VWC2L: variants seen among roughly 807,000 people sequenced by gnomAD.
VWC2L encodes the protein von Willebrand factor C domain-containing protein 2-like.
A neutral mutation model predicts 21.6 loss-of-function variants in VWC2L; 10 were observed. The ratio of observed to expected loss-of-function variants is 0.46; its 90% CI spans 0.29 to 0.78. The LOEUF (loss-of-function observed/expected upper bound fraction) is 0.78, where lower values mean the gene tolerates loss of function less well. Among genes scored for constraint, VWC2L ranks in the 30% least tolerant of loss-of-function variants. The pLI is 0.10. For missense variants in VWC2L, 209 were observed against 277.1 expected, an observed-to-expected ratio of 0.75 and a Z score of 1.74; for synonymous variants, 96 against 94.3, an observed-to-expected ratio of 1.02 and a Z score of -0.10.
At chr2:214,441,096 T>C (rs1018424543) in intron 3 of VWC2L, among the ~76,000 whole-genome samples, 3 of 152,182 alleles carry the variant, frequency 2.0e-5, no homozygotes, top group Non-Finnish European at 2.9e-5. Flanking sequence ...CCTCACTCTC[T>C]TCTAGTTTAG....
chr2:214,437,778 A>T (rs549862352), intron 3 of VWC2L, among the ~76,000 whole-genome samples: 1 of 152,288 alleles, frequency 6.6e-6, no homozygotes, highest in South Asian at 2.1e-4. Context: ...CTTTTATAAA[A>T]GATAAAAAAA....
intron 3 of VWC2L, among the ~76,000 whole-genome samples, chr2:214,488,068 G>C (rs1300307285): frequency 6.6e-6 from 1 of 152,022 alleles, no homozygotes; most frequent in Non-Finnish European, 1.5e-5. Context: ...TACTCATCTT[G>C]GTCTTGGATT....
chr2:214,548,775 T>C (rs1238425317), intron 3 of VWC2L, among the ~76,000 whole-genome samples: 1 of 152,188 alleles, frequency 6.6e-6, no homozygotes, highest in Admixed American at 6.5e-5. Flanking sequence ...GCATTTGTAG[T>C]CAATACACAG....
At chr2:214,509,528 C>T (rs1436753981) in intron 3 of VWC2L, among the ~76,000 whole-genome samples, 2 of 151,982 alleles carry the variant, frequency 1.3e-5, no homozygotes, top group Admixed American at 6.6e-5. Flanking sequence ...CCTTGACTCC[C>T]GGATATCGTA....
intron 3 of VWC2L, among the ~76,000 whole-genome samples, chr2:214,511,826 C>CTATA (rs986979065): frequency 6.6e-5 from 8 of 121,782 alleles, no homozygotes; most frequent in African/African-American, 1.3e-4. Context: ...ACACAACACA[C>CTATA]TATATATATA....
In VWC2L at chr2:214,477,301, C is replaced by CT. The variant is rs553407765; in HGVS notation, c.520+40545dup. Among the ~76,000 whole-genome samples, 59 of 152,350 alleles carry CT rather than the reference C, an allele frequency of 3.9e-4. No individual in the cohort carries two copies. In the East Asian group the frequency reaches 0.011, roughly 27 times the overall value. ...ATGGAAGGAGCCAGGATGTTCCCTCCTTCAACCCATCATTTCTCTGGGAGC... is the reference window on the plus strand; with the variant it reads ...ATGGAAGGAGCCAGGATGTTCCCTCCTTTCAACCCATCATTTCTCTGGGAGC... On this transcript the variant is annotated intron_variant, in intron 3 of 3. Coordinates refer to ENST00000312504, the MANE Select transcript of VWC2L (RefSeq NM_001080500.4).
intron 3 of VWC2L, among the ~76,000 whole-genome samples, chr2:214,527,387 T>C (rs1171150514): frequency 6.6e-6 from 1 of 151,954 alleles, no homozygotes; most frequent in Non-Finnish European, 1.5e-5. Flanking sequence ...TACCCCCAAA[T>C]CTAAAAAGTT....
rs530258859 is a variant in VWC2L at position 214,540,640 on chromosome 2, T to C, written c.521-35032T>C. Among the ~76,000 whole-genome samples, 173 of 152,318 alleles carry C rather than the reference T, an allele frequency of 1.1e-3. 3 individuals are homozygous for C. In the South Asian group the frequency reaches 0.035, roughly 31 times the overall value. ...ATGCTAATGAACAGTGCATTCTTAC[T>C]AAGATTTACATGAGAAGAATGCAGA... On this transcript the variant is annotated intron_variant, in intron 3 of 3. Coordinates refer to ENST00000312504, the MANE Select transcript of VWC2L (RefSeq NM_001080500.4).
At chr2:214,502,930 G>C (rs1451916560) in intron 3 of VWC2L, among the ~76,000 whole-genome samples, 7 of 152,122 alleles carry the variant, frequency 4.6e-5, no homozygotes, top group Admixed American at 4.6e-4. Context: ...CATTTCATCA[G>C]CTTCTATTTG....
rs1210573676 is a variant in VWC2L at position 214,577,047 on chromosome 2, G to A, written c.*1227G>A. 2.0e-5 allele frequency: 3 copies of A among 152,132 alleles called. No individual in the cohort carries two copies. The highest frequency in any genetic ancestry group is 7.2e-5 in the African/African-American group (3 of 41,446). 9.4% of individuals were successfully genotyped at this position (152,132 alleles called of 1,614,324 possible). ...TTGCCCTGGTAATGCTGCTAGTATA[G>A]TAACAGAAAAAACAAAACACACAGG... is the stretch of plus-strand genomic sequence containing the variant. On this transcript the variant is annotated 3_prime_UTR_variant, in exon 4 of 4. Coordinates refer to ENST00000312504, the MANE Select transcript of VWC2L (RefSeq NM_001080500.4).
intron 3 of VWC2L, among the ~76,000 whole-genome samples, chr2:214,497,221 C>A (rs559177710): frequency 0.014 from 1,915 of 139,940 alleles, 14 homozygotes; most frequent in Non-Finnish European, 0.02. Flanking sequence ...GGAAAAAAAA[C>A]CATTCATTTT....
chr2:214,527,326 A>T (rs1259471166), intron 3 of VWC2L, among the ~76,000 whole-genome samples: 1 of 152,150 alleles, frequency 6.6e-6, no homozygotes, highest in Non-Finnish European at 1.5e-5. Context: ...GATCATTTGT[A>T]TCCTAAACCT....
chr2:214,473,207 G>A (rs1703335994), intron 3 of VWC2L, among the ~76,000 whole-genome samples: 1 of 152,128 alleles, frequency 6.6e-6, no homozygotes, highest in African/African-American at 2.4e-5. Flanking sequence ...AATGAATAAT[G>A]ACCAAGAAGG....
chr2:214,510,109 C>T (rs1424829361), intron 3 of VWC2L: 2 of 152,262 alleles, frequency 1.3e-5, no homozygotes, highest in Admixed American at 6.5e-5. Context: ...TAAATTAAAT[C>T]CCAAGCTTCA....
intron 3 of VWC2L, among the ~76,000 whole-genome samples, chr2:214,474,443 C>T (rs370301129): frequency 2.0e-5 from 3 of 151,922 alleles, no homozygotes; most frequent in Non-Finnish European, 4.4e-5. Flanking sequence ...GTGAGAGTTA[C>T]GTGTGTGTGC....
intron 3 of VWC2L, among the ~76,000 whole-genome samples, chr2:214,547,931 A>C (rs1034072055): frequency 6.6e-6 from 1 of 152,246 alleles, no homozygotes; most frequent in Non-Finnish European, 1.5e-5. Flanking sequence ...TTGTTGACTG[A>C]GTCCACAAAT....
intron 1 of VWC2L, among the ~76,000 whole-genome samples, chr2:214,412,825 T>C (rs955066469): frequency 6.6e-6 from 1 of 152,044 alleles, no homozygotes; most frequent in Non-Finnish European, 1.5e-5. Flanking sequence ...AATCTGAAAA[T>C]AAACCAATGT....
At chr2:214,505,121 C>T (rs999402478) in intron 3 of VWC2L, among the ~76,000 whole-genome samples, 10 of 152,142 alleles carry the variant, frequency 6.6e-5, no homozygotes, top group Non-Finnish European at 8.8e-5. Context: ...GAACTGTGTT[C>T]TCGTTTCCTA....
intron 3 of VWC2L, among the ~76,000 whole-genome samples, chr2:214,460,673 T>C (rs1703127276): frequency 6.6e-6 from 1 of 152,232 alleles, no homozygotes; most frequent in African/African-American, 2.4e-5. Context: ...TATTCTGAAT[T>C]GCTTTTCTGA....
Sources: gnomAD v4.1 joint callset for allele counts (sites outside exome capture counted in the v4.1 genomes callset) on GRCh38, gnomAD v4.1.1 for gene constraint, MANE v1.5 for transcripts, NCBI Gene and HGNC (gene_info 2026-07-23, HGNC 2026-07-21) for gene names.